Variants in UTP23 observed in about 807,000 individuals in gnomAD.
The protein encoded by UTP23 is UTP23 small subunit processome component, also known as rRNA-processing protein UTP23 homolog.
Under a neutral mutation model 19.8 loss-of-function variants are expected in UTP23, and 10 were observed. The ratio of observed to expected loss-of-function variants is 0.50; its 90% confidence interval spans 0.31 to 0.86. The LOEUF (loss-of-function observed/expected upper bound fraction) is 0.86. Among genes scored for constraint, UTP23 ranks in the 40% least tolerant of loss-of-function variants. UTP23 has a pLI of 0.05. For synonymous variants in UTP23, 108 were observed against 105.4 expected (o/e 1.02, Z -0.15); for missense variants, 282 against 293.1 (o/e 0.96, Z 0.28).
At position 116,774,567 on chromosome 8, in the gene UTP23, A is replaced by G. The variant is rs1250606895; in HGVS notation, c.*2725A>G. On this transcript the variant is annotated 3_prime_UTR_variant, in exon 3 of 3. Transcript: ENST00000309822. ...TATATAGGTATATACACATATGTAT[A>G]TATACATAGTCTATATATTCTATAT... The G allele has an allele frequency of 1.6e-6, 1 of 640,534 alleles. No homozygotes were observed. The highest frequency in any genetic ancestry group is 1.9e-6 in the Non-Finnish European group (1 of 516,358). 39.7% of individuals were successfully genotyped at this position (640,534 alleles called of 1,614,324 possible).
intron 1 of UTP23, among the ~76,000 whole-genome samples, chr8:116,767,898 C>G (rs944135685): frequency 1.3e-5 from 2 of 152,184 alleles, no homozygotes; most frequent in Non-Finnish European, 2.9e-5. Context: ...CCATCCAGTT[C>G]TTTATACACA....
At chr8:116,767,064 C>G in intron 1 of UTP23, 1 of 400,378 alleles carries the variant, frequency 2.5e-6, no homozygotes. Flanking sequence ...GATCCCAGTT[C>G]TACCAGCTCT....
rs1815668431 is a variant in UTP23, at chr8:116,772,328, A to T, written c.*486A>T. The T allele has an allele frequency of 1.6e-5, 16 of 985,488 alleles. No homozygotes were observed. The South Asian group carries it at 5.2e-4, about 32-fold the overall frequency. The allele number at this position is 985,488 out of a possible 1,614,324, so 61.0% of individuals were successfully genotyped here. On this transcript the variant is annotated 3_prime_UTR_variant, in exon 3 of 3. Transcript: ENST00000309822. Reference sequence around the variant, plus strand: ...TCAAACATTATATGCAAACAGTTTTAAAAAATCTTACAGTTCTAAAAGGCT... The same window carrying T: ...TCAAACATTATATGCAAACAGTTTTTAAAAATCTTACAGTTCTAAAAGGCT...
Position 116,771,861 on chromosome 8 carries a change from A to G in UTP23, c.*19A>G, listed in dbSNP as rs1337330699. ...AGAATGAATCCTTTGGATACTTTCA[A>G]GGACATTCAAATGTGAAAATGAATT... On this transcript the variant is annotated 3_prime_UTR_variant, in exon 3 of 3. Transcript: ENST00000309822. The G allele has an allele frequency of 6.5e-7, 1 of 1,528,586 alleles. No individual in the cohort carries two copies. The highest frequency in any genetic ancestry group is 1.3e-5 in the South Asian group (1 of 76,796). 94.7% of individuals were successfully genotyped at this position (1,528,586 alleles called of 1,614,324 possible). A position where few individuals can be genotyped will look rare whatever the true frequency, so the allele number is the denominator to read the frequency against.
intron 1 of UTP23, 36 bp from the exon 2 acceptor site, chr8:116,770,156 C>T: frequency 6.7e-7 from 1 of 1,502,274 alleles, no homozygotes; most frequent in South Asian, 1.4e-5. Flanking sequence ...CTTATGTAAA[C>T]AAGTGAAATG....
At chr8:116,768,000 T>C (rs1586504551) in intron 1 of UTP23, among the ~76,000 whole-genome samples, 2 of 151,770 alleles carry the variant, frequency 1.3e-5, no homozygotes, top group Admixed American at 1.3e-4. Flanking sequence ...GACAGGAGGG[T>C]TGCCTGAGTC....
rs753222606 is a variant in UTP23, at chr8:116,766,701, C to T, written c.98C>T (p.Thr33Ile). ...REPYQILLDG[T>I]FCQAALRGRI... Reference sequence around the variant, plus strand: ...CCGTACCAGATCCTGCTGGACGGCACCTTCTGTCAGGCGGCGCTGCGGGGC... The same window carrying T: ...CCGTACCAGATCCTGCTGGACGGCATCTTCTGTCAGGCGGCGCTGCGGGGC... Residue 33 changes from threonine to isoleucine, a missense_variant, in exon 1 of 3, where the codon ACC becomes ATC. Transcript: ENST00000309822. 7 of 1,613,270 alleles carry T rather than the reference C, an allele frequency of 4.3e-6. No homozygotes were observed. The African/African-American group carries it at 6.7e-5, about 15-fold the overall frequency.
rs769410054 is a variant in UTP23 at position 116,766,724 on chromosome 8, G to C, written c.121G>C (p.Gly41Arg). 8 of 1,609,818 alleles carry C rather than the reference G, an allele frequency of 5.0e-6. No homozygotes were observed. The highest frequency in any genetic ancestry group is 2.2e-5 in the South Asian group (2 of 90,684). Residue 41 changes from glycine to arginine, a missense_variant, in exon 1 of 3, where the codon GGC becomes CGC. Physicochemically the swap from Gly to Arg is moderately radical, Grantham distance 125. Transcript: ENST00000309822. Reference protein sequence around the residue: ...DGTFCQAALRGRIQLREQLPR... With the variant: ...DGTFCQAALRRRIQLREQLPR... ...CACCTTCTGTCAGGCGGCGCTGCGG[G>C]GCCGCATCCAGCTGCGGGAGCAGCT...
At chr8:116,768,649 A>G (rs940216871) in intron 1 of UTP23, among the ~76,000 whole-genome samples, 1 of 152,190 alleles carries the variant, frequency 6.6e-6, no homozygotes. Context: ...TTTGATTTAT[A>G]TGTCACTTAA....
chr8:116,768,998 T>G (rs1815619158), intron 1 of UTP23, among the ~76,000 whole-genome samples: 1 of 152,242 alleles, frequency 6.6e-6, no homozygotes, highest in Admixed American at 6.5e-5. Flanking sequence ...CCCCTCCCTT[T>G]AAATTTTGCA....
In UTP23 at chr8:116,773,809, AAAAAT is replaced by A; in HGVS notation, c.*1971_*1975del. 9.7e-6 allele frequency: 7 copies of A among 724,698 alleles called. No homozygotes were observed. The highest frequency in any genetic ancestry group is 1.2e-5 in the Non-Finnish European group (7 of 592,200). The allele number at this position is 724,698 out of a possible 1,614,324, so 44.9% of individuals were successfully genotyped here. On this transcript the variant is annotated 3_prime_UTR_variant, in exon 3 of 3. Transcript: ENST00000309822. ...TGGTGAGAGAGTGAAACCCCGTCTC[AAAAAT>A]AAATAAATAAATAAGTTTACTATTT...
chr8:116,768,743 C>G (rs1374016277), intron 1 of UTP23, among the ~76,000 whole-genome samples: 2 of 152,206 alleles, frequency 1.3e-5, no homozygotes, highest in Non-Finnish European at 2.9e-5. Context: ...TGGCTCACTG[C>G]AGCCTCCGCC....
intron 1 of UTP23, among the ~76,000 whole-genome samples, chr8:116,769,650 G>C (rs1815625902): frequency 6.6e-6 from 1 of 152,206 alleles, no homozygotes; most frequent in Non-Finnish European, 1.5e-5. Context: ...TCTGGCAAAT[G>C]CTGGCTAGGG....
At position 116,766,797 on chromosome 8, in the gene UTP23, C is replaced by G. The variant is rs1001791055; in HGVS notation, c.188+6C>G. On this transcript the variant is annotated splice_donor_region_variant and intron_variant, in intron 1 of 2. Transcript: ENST00000309822. ...ACGCAGCTGTGCACCACAAGGTGGG[C>G]CCGGGGGGCTGGGGAGGAGGCACAG... The G allele has an allele frequency of 7.8e-6, 12 of 1,530,734 alleles. No homozygotes were observed. In the African/African-American group the frequency reaches 1.7e-4, roughly 21 times the overall value. The allele number at this position is 1,530,734 out of a possible 1,614,324, so 94.8% of individuals were successfully genotyped here. A position where few individuals can be genotyped will look rare whatever the true frequency, so the allele number is the denominator to read the frequency against.
intron 1 of UTP23, among the ~76,000 whole-genome samples, chr8:116,767,268 C>T (rs1010318319): frequency 3.9e-5 from 6 of 152,198 alleles, no homozygotes; most frequent in Non-Finnish European, 7.3e-5. Context: ...TAAACCAAAA[C>T]TCTGCAAGCC....
chr8:116,771,411 C>G, intron 2 of UTP23, 45 bp from the exon 3 acceptor site: 1 of 1,361,482 alleles, frequency 7.3e-7, no homozygotes, highest in Non-Finnish European at 9.6e-7. Flanking sequence ...TTTAAGGTAC[C>G]TTAATTGACA....
Position 116,772,814 on chromosome 8 carries a change from T to C in UTP23, c.*972T>C. ...GAATAATGAAACGTGTCTCTCTGAA[T>C]TCCCCCGGCAATTGTTTTAGTCATT... On this transcript the variant is annotated 3_prime_UTR_variant, in exon 3 of 3. Transcript: ENST00000309822. The C allele has an allele frequency of 1.0e-6, 1 of 985,454 alleles. No homozygotes were observed. Among genetic ancestry groups the C allele is most frequent in the Non-Finnish European group, 1.2e-6 (1 of 829,926 alleles). The allele number at this position is 985,454 out of a possible 1,614,324, so 61.0% of individuals were successfully genotyped here.
At position 116,773,900 on chromosome 8, in the gene UTP23, A is replaced by G. The variant is rs1815691858; in HGVS notation, c.*2058A>G. The G allele has an allele frequency of 1.0e-6, 1 of 962,486 alleles. No individual in the cohort carries two copies. Among genetic ancestry groups the G allele is most frequent in the Non-Finnish European group, 1.2e-6 (1 of 809,062 alleles). 59.6% of individuals were successfully genotyped at this position (962,486 alleles called of 1,614,324 possible). On this transcript the variant is annotated 3_prime_UTR_variant, in exon 3 of 3. Transcript: ENST00000309822. The stretch of plus-strand genomic sequence containing the variant: ...AAATTACTTTAAAAGATATTTTAAC[A>G]AAAGTCTCATATCCTTGTACTTCAG...
chr8:116,769,497 T>A (rs1815624297), intron 1 of UTP23, among the ~76,000 whole-genome samples: 1 of 152,172 alleles, frequency 6.6e-6, no homozygotes, highest in Non-Finnish European at 1.5e-5. Context: ...AGTGGTTTGA[T>A]CTTAGACATG....
Sources: gnomAD v4.1 joint callset for allele counts (sites outside exome capture counted in the v4.1 genomes callset) on GRCh38, gnomAD v4.1.1 for gene constraint, MANE v1.5 for transcripts, NCBI Gene and HGNC (gene_info 2026-07-23, HGNC 2026-07-21) for gene names.